The following DHRS11 variants were observed in gnomAD, a reference collection of about 807,000 sequenced individuals.
DHRS11 encodes the protein dehydrogenase/reductase SDR family member 11.
A neutral mutation model predicts 30.7 loss-of-function variants in DHRS11; 18 were observed. The observed-to-expected ratio is 0.59, with a 90% CI of 0.41 to 0.87. The LOEUF (loss-of-function observed/expected upper bound fraction) is 0.87, where lower values mean the gene tolerates loss of function less well. Among genes scored for constraint, DHRS11 ranks in the 40% least tolerant of loss-of-function variants. The pLI is 0.00. For synonymous variants in DHRS11, 123 were observed against 139.6 expected (o/e 0.88, Z 0.84); for missense variants, 300 against 349.0 (o/e 0.86, Z 1.12).
At chr17:36,599,359 G>A in intron 4 of DHRS11, 2 of 552,694 alleles carry the variant, frequency 3.6e-6, no homozygotes, top group Non-Finnish European at 6.3e-6. Context: ...CTCTTCTCTT[G>A]AAGGCCGCAT....
rs2074771118 is a variant in DHRS11 at position 36,592,045 on chromosome 17, G to T, written c.36G>T (p.Arg12=). The T allele has an allele frequency of 8.1e-7, 1 of 1,233,110 alleles. No homozygotes were observed. Among genetic ancestry groups the T allele is most frequent in the Non-Finnish European group, 1.0e-6 (1 of 987,984 alleles). The allele number at this position is 1,233,110 out of a possible 1,614,324, so 76.4% of individuals were successfully genotyped here. A position where few individuals can be genotyped will look rare whatever the true frequency, so the allele number is the denominator to read the frequency against. ...CCGGCATGGAGCGGTGGCGCGACCG[G>T]CTGGCGCTGGTGACGGGGGCCTCGG... ...ARPGMERWRD[R]LALVTGASGG... The change falls in exon 1 of 7, where the codon CGG becomes CGT. Residue 12 remains arginine (R), a synonymous_variant. Transcript: ENST00000618403. The surrounding 1 kb of genome is among the most constrained non-coding windows in gnomAD (Gnocchi z 4.4).
At chr17:36,595,265 G>A in intron 2 of DHRS11, 85 bp downstream of exon 2, 1 of 1,489,032 alleles carries the variant, frequency 6.7e-7, no homozygotes, top group East Asian at 2.3e-5. Context: ...AGTGCTGCTG[G>A]GGACGGGACA....
intron 3 of DHRS11, 189 bp downstream of exon 3, chr17:36,598,446 C>T (rs892190695): frequency 3.4e-5 from 21 of 620,464 alleles, no homozygotes; most frequent in South Asian, 1.4e-4. Context: ...GAATGGGCAG[C>T]TTAGCCCCTT....
At chr17:36,595,629 G>C (rs2074805121) in intron 2 of DHRS11, among the ~76,000 whole-genome samples, 2 of 151,956 alleles carry the variant, frequency 1.3e-5, no homozygotes, top group African/African-American at 4.8e-5. Context: ...CACCTTGTTG[G>C]CCAGGCTGGT....
chr17:36,600,213 G>C lies in DHRS11; in HGVS notation c.*10G>C. On this transcript the variant is annotated 3_prime_UTR_variant, in exon 7 of 7. Coordinates refer to ENST00000618403, the MANE Select transcript of DHRS11 (RefSeq NM_024308.4). ...GGAGCAGGTGACCTAGTGACTGTGG[G>C]AGCTCCTCCTTCCCTCCCCACCCTT... 1 of 1,614,138 alleles carries C rather than the reference G, an allele frequency of 6.2e-7. No homozygotes were observed. The highest frequency in any genetic ancestry group is 8.5e-7 in the Non-Finnish European group (1 of 1,180,020).
Position 36,592,850 on chromosome 17 carries a change from T to G in DHRS11, c.147+694T>G, listed in dbSNP as rs1182313674. ...ATTTCTGTGCTAGGCTCTCTCTGGA[T>G]GTGCCCTGTAAGCTCATTCTCAGTG... is the stretch of plus-strand genomic sequence containing the variant. On this transcript the variant is annotated intron_variant, in intron 1 of 6. Coordinates refer to ENST00000618403, the MANE Select transcript of DHRS11 (RefSeq NM_024308.4). The surrounding 1 kb of genome is among the most constrained non-coding windows in gnomAD (Gnocchi z 4.4). Among the ~76,000 whole-genome samples, 2 of 152,244 alleles carry G rather than the reference T, an allele frequency of 1.3e-5. No homozygotes were observed. Among genetic ancestry groups the G allele is most frequent in the East Asian group, 3.9e-4 (2 of 5,168 alleles).
At chr17:36,599,383 T>A in intron 4 of DHRS11, 1 of 559,814 alleles carries the variant, frequency 1.8e-6, no homozygotes, top group East Asian at 3.0e-5. Flanking sequence ...CGTGAGCGAG[T>A]CACTGAACCT....
At chr17:36,598,445 G>A (rs1285100050) in intron 3 of DHRS11, 188 bp downstream of exon 3, 3 of 622,314 alleles carry the variant, frequency 4.8e-6, no homozygotes, top group Non-Finnish European at 8.4e-6. Context: ...GGAATGGGCA[G>A]CTTAGCCCCT....
chr17:36,592,040 GA>G lies in DHRS11; in HGVS notation c.32del (p.Asp11AlafsTer6). 8.1e-7 allele frequency: 1 copy of G among 1,232,186 alleles called. No individual in the cohort carries two copies. The highest frequency in any genetic ancestry group is 3.2e-5 in the East Asian group (1 of 31,568). 76.3% of individuals were successfully genotyped at this position (1,232,186 alleles called of 1,614,324 possible). A position where few individuals can be genotyped will look rare whatever the true frequency, so the allele number is the denominator to read the frequency against. On this transcript the variant is annotated frameshift_variant, in exon 1 of 7. Transcript: ENST00000618403. LOFTEE classifies it high-confidence loss of function. The surrounding 1 kb of genome is among the most constrained non-coding windows in gnomAD (Gnocchi z 4.4). MARPGMERWR[D>X]RLALVTGASG... ...CAGGCCCGGCATGGAGCGGTGGCGC[GA>G]CCGGCTGGCGCTGGTGACGGGGGCC...
intron 4 of DHRS11, 182 bp downstream of exon 4, chr17:36,599,232 A>C: frequency 2.0e-6 from 2 of 990,182 alleles, no homozygotes; most frequent in Non-Finnish European, 2.8e-6. Flanking sequence ...TCCTCATTTC[A>C]CTGATCCAGG....
Position 36,597,136 on chromosome 17 carries a change from C to T in DHRS11, c.358-1027C>T, listed in dbSNP as rs1232777551. 2.5e-5 allele frequency: 7 copies of T among 278,282 alleles called. No homozygotes were observed. The East Asian group carries it at 6.2e-4, about 24-fold the overall frequency. 17.2% of individuals were successfully genotyped at this position (278,282 alleles called of 1,614,324 possible). A position where few individuals can be genotyped will look rare whatever the true frequency, so the allele number is the denominator to read the frequency against. On this transcript the variant is annotated intron_variant, in intron 2 of 6. Coordinates refer to ENST00000618403, the MANE Select transcript of DHRS11 (RefSeq NM_024308.4). ...GGATCTATTTCTCCCACTCTACCTG[C>T]CAGGGGCTGAGTTCTCTGCCTCACA...
intron 1 of DHRS11, among the ~76,000 whole-genome samples, chr17:36,593,673 A>C (rs2142811364): frequency 6.6e-6 from 1 of 152,294 alleles, no homozygotes; most frequent in South Asian, 2.1e-4. Context: ...TACCTTTTGA[A>C]CTCACAGAAA....
At position 36,598,967 on chromosome 17, in the gene DHRS11, A is replaced by T; in HGVS notation, c.499A>T (p.Ser167Cys). The T allele has an allele frequency of 1.2e-6, 2 of 1,613,516 alleles. No homozygotes were observed. The highest frequency in any genetic ancestry group is 1.7e-6 in the Non-Finnish European group (2 of 1,179,980). Residue 167 changes from serine (S) to cysteine (C), a missense_variant, in exon 4 of 7, where the codon AGT (serine) becomes TGT (cysteine). Transcript: ENST00000618403. ...VLPLSVTHFY[S>C]ATKYAVTALT... Reference sequence around the variant, plus strand: ...ACCCCTGTCTGTGACCCACTTCTATAGTGCCACCAAGTATGCCGTCACTGC... The same window carrying T: ...ACCCCTGTCTGTGACCCACTTCTATTGTGCCACCAAGTATGCCGTCACTGC...
At chr17:36,599,271 T>C (rs2074836412) in intron 4 of DHRS11, 1 of 743,848 alleles carries the variant, frequency 1.3e-6, no homozygotes, top group Admixed American at 3.3e-5. Flanking sequence ...GACTTTGAGC[T>C]GGGAGGGGGC....
Position 36,598,204 on chromosome 17 carries a change from C to T in DHRS11, c.399C>T (p.Tyr133=). The change falls in exon 3 of 7, where the codon TAC becomes TAT. Residue 133 remains tyrosine (Y), a synonymous_variant. Coordinates refer to ENST00000618403, the MANE Select transcript of DHRS11 (RefSeq NM_024308.4). ...TCAGCATCTGCACACGGGAAGCCTACCAGTCCATGAAGGAGCGGAATGTGG... is the reference window on the plus strand; with the variant it reads ...TCAGCATCTGCACACGGGAAGCCTATCAGTCCATGAAGGAGCGGAATGTGG... The part of the protein sequence containing the change: ...LALSICTREA[Y]QSMKERNVDD... 1 of 1,614,104 alleles carries T rather than the reference C, an allele frequency of 6.2e-7. No individual in the cohort carries two copies. The highest frequency in any genetic ancestry group is 1.1e-5 in the South Asian group (1 of 91,086).
intron 1 of DHRS11, 163 bp from the exon 2 acceptor site, chr17:36,594,808 G>A: frequency 1.5e-6 from 1 of 669,396 alleles, no homozygotes; most frequent in South Asian, 1.8e-5. Context: ...TTTGACCAAA[G>A]AGGACAGACT....
intron 2 of DHRS11, chr17:36,596,673 T>C: frequency 2.4e-6 from 1 of 420,328 alleles, no homozygotes; most frequent in Non-Finnish European, 4.9e-6. Flanking sequence ...TTTGAAACTG[T>C]GCACAGGCCA....
intron 1 of DHRS11, among the ~76,000 whole-genome samples, chr17:36,593,592 C>A (rs1252151492): frequency 1.3e-5 from 2 of 152,198 alleles, no homozygotes; most frequent in African/African-American, 4.8e-5. Flanking sequence ...ACAGAGAAAA[C>A]TCCTGTTTCC....
Position 36,599,167 on chromosome 17 carries a change from TG to T in DHRS11, c.582+120del, listed in dbSNP as rs1294295223. 2.8e-6 allele frequency: 4 copies of T among 1,433,430 alleles called. No homozygotes were observed. The African/African-American group carries it at 5.7e-5, about 20-fold the overall frequency. The allele number at this position is 1,433,430 out of a possible 1,614,324, so 88.8% of individuals were successfully genotyped here. ...CCGCTCAGAGCTCCTGGGAGTGGACTGGGCACAGAACTGGGTGCTGCTGCTC... is the reference window on the plus strand; with the variant it reads ...CCGCTCAGAGCTCCTGGGAGTGGACTGGCACAGAACTGGGTGCTGCTGCTC... On this transcript the variant is annotated intron_variant, in intron 4 of 6. Coordinates refer to ENST00000618403, the MANE Select transcript of DHRS11 (RefSeq NM_024308.4).
Sources: allele counts gnomAD v4.1 joint callset (sites outside exome capture counted in the v4.1 genomes callset), GRCh38; gene constraint gnomAD v4.1.1; non-coding constraint Gnocchi (gnomAD v3.1); transcripts MANE v1.5; gene names NCBI Gene and HGNC (gene_info 2026-07-23, HGNC 2026-07-21).